Variants in OR7E24 observed in about 807,000 individuals in gnomAD.
The protein encoded by OR7E24 is olfactory receptor 7E24.
For missense variants in OR7E24, 385 were observed against 410.3 expected (o/e 0.94, Z 0.53); for synonymous variants, 130 against 157.5 (o/e 0.83, Z 1.31).
At chr19:9,248,489 T>C (rs1295068292), upstream of OR7E24, among the ~76,000 whole-genome samples, 1 of 152,142 alleles carries the variant, frequency 6.6e-6, no homozygotes, top group African/African-American at 2.4e-5. Flanking sequence ...GCATCCAACC[T>C]TCCCCCCCTC....
At chr19:9,231,083 G>A in the OR7E24 span, among the ~76,000 whole-genome samples, 3 of 151,844 alleles carry the variant, frequency 2.0e-5, no homozygotes, top group Admixed American at 2.0e-4. Context: ...GCTAATTTTT[G>A]TATTTTTAGT....
the OR7E24 span, among the ~76,000 whole-genome samples, chr19:9,233,501 TTCC>T: frequency 1.3e-5 from 2 of 152,240 alleles, no homozygotes; most frequent in African/African-American, 4.8e-5. Context: ...GTGCTTTTGT[TTCC>T]TCCTCTTATA....
the OR7E24 span, among the ~76,000 whole-genome samples, chr19:9,226,626 A>G: frequency 1.3e-5 from 2 of 152,212 alleles, no homozygotes; most frequent in African/African-American, 2.4e-5. Flanking sequence ...CATAAAGTAC[A>G]TTGATTTCTT....
the OR7E24 span, among the ~76,000 whole-genome samples, chr19:9,230,599 C>T: frequency 2.0e-5 from 3 of 152,138 alleles, no homozygotes; most frequent in Admixed American, 6.5e-5. Flanking sequence ...ATCTGTCCTA[C>T]GCAAGGTATT....
chr19:9,235,417 A>C, the OR7E24 span: 1 of 1,603,984 alleles, frequency 6.2e-7, no homozygotes, highest in Admixed American at 1.7e-5. Context: ...GAGCAAAGAC[A>C]TCTCCTACAT....
At chr19:9,222,059 A>G in the OR7E24 span, among the ~76,000 whole-genome samples, 21 of 152,302 alleles carry the variant, frequency 1.4e-4, no homozygotes, top group East Asian at 4.0e-3. Flanking sequence ...TCCCAACACC[A>G]TTTATTAAAG....
At chr19:9,213,349 A>G in the OR7E24 span, 1 of 152,614 alleles carries the variant, frequency 6.6e-6, no homozygotes, top group African/African-American at 2.4e-5. Flanking sequence ...AGGGAAGAAA[A>G]GTCAAAAAGG....
chr19:9,242,814 TTCCC>T (rs1331796152), upstream of OR7E24, among the ~76,000 whole-genome samples: 2 of 152,086 alleles, frequency 1.3e-5, no homozygotes, highest in East Asian at 1.9e-4. Flanking sequence ...ATTCCTTTTC[TTCCC>T]TCCCTCCCTC....
chr19:9,247,481 C>T, upstream of OR7E24: 1 of 398,742 alleles, frequency 2.5e-6, no homozygotes, highest in Non-Finnish European at 4.4e-6. Context: ...GACCTACTCT[C>T]CATGGTCATG....
At chr19:9,236,068 G>A in the OR7E24 span, 9 of 1,536,616 alleles carry the variant, frequency 5.9e-6, no homozygotes, top group Admixed American at 3.3e-5. Context: ...TAGCAGGGCA[G>A]CCTCTTGTCT....
At chr19:9,228,974 C>T in the OR7E24 span, among the ~76,000 whole-genome samples, 1 of 152,138 alleles carries the variant, frequency 6.6e-6, no homozygotes, top group Admixed American at 6.5e-5. Flanking sequence ...ATGGGTATGT[C>T]CCTCGCCGTA....
chr19:9,221,340 CTTTTTTTTTTTTTT>C, the OR7E24 span, among the ~76,000 whole-genome samples: 2 of 81,200 alleles, frequency 2.5e-5, no homozygotes, highest in East Asian at 3.8e-4. Context: ...GTCTTTTGCC[CTTTTTTTTTTTTTT>C]TTTTTTTTTT....
chr19:9,236,502 T>C, the OR7E24 span, among the ~76,000 whole-genome samples: 4 of 151,850 alleles, frequency 2.6e-5, no homozygotes, highest in East Asian at 7.8e-4. Flanking sequence ...AGAGCGAGAC[T>C]CTGTCTGAAA....
Position 9,252,159 on chromosome 19 carries a change from C to A in OR7E24, c.*96C>A. ...ATGGCTTTCATTCCTCTCTGGGTTTCGTATGTGAATATTGCTTGCTTTGTT... is the reference window on the plus strand; with the variant it reads ...ATGGCTTTCATTCCTCTCTGGGTTTAGTATGTGAATATTGCTTGCTTTGTT... On this transcript the variant is annotated 3_prime_UTR_variant, in exon 1 of 1. Coordinates refer to ENST00000456448, the MANE Select transcript of OR7E24 (RefSeq NM_001079935.2). 2.0e-6 allele frequency: 2 copies of A among 985,986 alleles called. No individual in the cohort carries two copies. Among genetic ancestry groups the A allele is most frequent in the Non-Finnish European group, 3.0e-6 (2 of 672,104 alleles). 61.1% of individuals were successfully genotyped at this position (985,986 alleles called of 1,614,324 possible).
chr19:9,235,782 G>T, the OR7E24 span: 22 of 1,609,996 alleles, frequency 1.4e-5, no homozygotes, highest in Non-Finnish European at 1.8e-5. Flanking sequence ...CTGTAGCTGG[G>T]ATCCTCTTCT....
the OR7E24 span, among the ~76,000 whole-genome samples, chr19:9,230,935 G>A: frequency 4.0e-5 from 6 of 151,874 alleles, no homozygotes; most frequent in African/African-American, 7.3e-5. Flanking sequence ...TGATTGAGAT[G>A]GAGTCTTGCT....
At chr19:9,237,519 G>C in the OR7E24 span, among the ~76,000 whole-genome samples, 1 of 151,898 alleles carries the variant, frequency 6.6e-6, no homozygotes, top group East Asian at 1.9e-4. Flanking sequence ...GTTTCACCAC[G>C]TTAGCCAGGA....
chr19:9,243,325 A>C (rs10407146), upstream of OR7E24, among the ~76,000 whole-genome samples: 23,639 of 151,288 alleles, frequency 0.16, 2,842 homozygotes, highest in African/African-American at 0.34. Flanking sequence ...GAATGCTTAC[A>C]ATTTTATGTT....
At chr19:9,238,934 G>A in the OR7E24 span, among the ~76,000 whole-genome samples, 1 of 152,104 alleles carries the variant, frequency 6.6e-6, no homozygotes, top group Admixed American at 6.6e-5. Flanking sequence ...GAGTCCTTAG[G>A]TTGATTCCAT....
Sources: allele counts gnomAD v4.1 joint callset (sites outside exome capture counted in the v4.1 genomes callset), GRCh38; gene constraint gnomAD v4.1.1; transcripts MANE v1.5; gene names NCBI Gene and HGNC (gene_info 2026-07-23, HGNC 2026-07-21).